The following PABPC4L variants were observed in gnomAD, a reference collection of about 807,000 sequenced individuals.
The protein encoded by PABPC4L is poly(A) binding protein cytoplasmic 4 like, also known as polyadenylate-binding protein 4-like.
For missense variants in PABPC4L, 452 were observed against 451.4 expected (o/e 1.00, Z -0.01); for synonymous variants, 169 against 164.1 (o/e 1.03, Z -0.23).
the PABPC4L span, among the ~76,000 whole-genome samples, chr4:134,187,058 G>T: frequency 2.0e-5 from 3 of 152,112 alleles, no homozygotes; most frequent in Admixed American, 1.3e-4. Flanking sequence ...TGCTGGAGAG[G>T]ATGTGGAGAA....
chr4:134,112,733 A>G, the PABPC4L span, among the ~76,000 whole-genome samples: 1 of 151,942 alleles, frequency 6.6e-6, no homozygotes, highest in Non-Finnish European at 1.5e-5. Flanking sequence ...GTGTGTGTGT[A>G]CATATATTTG....
Position 134,200,406 on chromosome 4 carries a change from C to G in PABPC4L, c.614G>C (p.Arg205Thr), listed in dbSNP as rs1729817122. 1.9e-6 allele frequency: 3 copies of G among 1,558,466 alleles called. No individual in the cohort carries two copies. The highest frequency in any genetic ancestry group is 1.7e-4 in the Middle Eastern group (1 of 5,996). The change falls in exon 2 of 2, where the codon AGA becomes ACA. Residue 205 changes from arginine to threonine, a missense_variant. Transcript: ENST00000421491. ...KNFGGDMDDERLKDVFSKYGK... is the reference protein window; with the variant it reads ...KNFGGDMDDETLKDVFSKYGK... Reference sequence around the variant, plus strand: ...ATATTTGCTGAAAACGTCCTTCAATCTCTCATCATCCATGTCACCTCCAAA... The same window carrying G: ...ATATTTGCTGAAAACGTCCTTCAATGTCTCATCATCCATGTCACCTCCAAA...
At chr4:134,022,566 G>C in the PABPC4L span, among the ~76,000 whole-genome samples, 1 of 151,644 alleles carries the variant, frequency 6.6e-6, no homozygotes, top group Non-Finnish European at 1.5e-5. Context: ...TTAATTATTA[G>C]TTTAGTTTTT....
chr4:134,191,782 T>G (rs995399285), downstream of PABPC4L, among the ~76,000 whole-genome samples: 2 of 151,174 alleles, frequency 1.3e-5, no homozygotes. Context: ...AGAGGAAAAT[T>G]TTCAAATCAA....
At chr4:134,007,485 A>T in the PABPC4L span, among the ~76,000 whole-genome samples, 14 of 151,832 alleles carry the variant, frequency 9.2e-5, no homozygotes, top group African/African-American at 3.4e-4. Flanking sequence ...TGCTTTACAT[A>T]TATTATCTCA....
the PABPC4L span, among the ~76,000 whole-genome samples, chr4:133,961,804 G>C: frequency 6.6e-6 from 1 of 152,164 alleles, no homozygotes; most frequent in Non-Finnish European, 1.5e-5. Flanking sequence ...TTGTGATCCA[G>C]TGAGGCATGT....
chr4:133,975,367 T>C, the PABPC4L span, among the ~76,000 whole-genome samples: 2 of 152,180 alleles, frequency 1.3e-5, no homozygotes, highest in African/African-American at 4.8e-5. Flanking sequence ...CTAATGAGTA[T>C]TGGGTTTCTT....
chr4:134,030,954 T>C, the PABPC4L span, among the ~76,000 whole-genome samples: 1 of 152,098 alleles, frequency 6.6e-6, no homozygotes, highest in Non-Finnish European at 1.5e-5. Context: ...CCATTTATGA[T>C]AATAGCTTTG....
the PABPC4L span, among the ~76,000 whole-genome samples, chr4:134,174,684 C>G: frequency 7.2e-4 from 109 of 152,174 alleles, 2 homozygotes; most frequent in East Asian, 0.012. Flanking sequence ...TTATATGTGT[C>G]TGCGGTTTTT....
the PABPC4L span, among the ~76,000 whole-genome samples, chr4:134,022,150 A>T: frequency 9.2e-5 from 14 of 152,106 alleles, no homozygotes; most frequent in African/African-American, 3.1e-4. Context: ...CGGCTTCCTT[A>T]TCCTGAATTT....
the PABPC4L span, among the ~76,000 whole-genome samples, chr4:134,080,361 T>C: frequency 6.6e-6 from 1 of 152,204 alleles, no homozygotes; most frequent in Non-Finnish European, 1.5e-5. Context: ...TCTCTTTCAA[T>C]GGTAATTTGC....
At chr4:133,960,840 A>G in the PABPC4L span, among the ~76,000 whole-genome samples, 1 of 151,928 alleles carries the variant, frequency 6.6e-6, no homozygotes, top group Non-Finnish European at 1.5e-5. Context: ...GGCAGCCATA[A>G]TGCTCCTAGG....
the PABPC4L span, among the ~76,000 whole-genome samples, chr4:134,035,442 A>AG: frequency 0.52 from 78,193 of 151,666 alleles, 21,527 homozygotes; most frequent in East Asian, 0.93. Flanking sequence ...AGCTAAAATA[A>AG]TCAAGTAATT....
the PABPC4L span, among the ~76,000 whole-genome samples, chr4:133,954,871 C>T: frequency 3.3e-5 from 5 of 151,870 alleles, no homozygotes; most frequent in East Asian, 9.7e-4. Flanking sequence ...TATTGTTCCC[C>T]CACAGGAGAG....
chr4:134,102,640 C>T, the PABPC4L span, among the ~76,000 whole-genome samples: 2 of 151,522 alleles, frequency 1.3e-5, no homozygotes, highest in Non-Finnish European at 3.0e-5. Flanking sequence ...AGTTAAACCA[C>T]AGCCAATCAC....
At chr4:134,171,918 T>G in the PABPC4L span, among the ~76,000 whole-genome samples, 1 of 151,868 alleles carries the variant, frequency 6.6e-6, no homozygotes, top group Non-Finnish European at 1.5e-5. Context: ...ATTCACAATA[T>G]AGCCACAAAA....
chr4:133,962,288 T>G, the PABPC4L span, among the ~76,000 whole-genome samples: 1 of 152,176 alleles, frequency 6.6e-6, no homozygotes, highest in South Asian at 2.1e-4. Flanking sequence ...AAGAAATCCC[T>G]GGTTTACTTG....
At chr4:134,131,714 C>CAAAAA in the PABPC4L span, among the ~76,000 whole-genome samples, 266 of 10,676 alleles carry the variant, frequency 0.025, 90 homozygotes, top group African/African-American at 0.039. Flanking sequence ...CCTGTGAAAC[C>CAAAAA]AAAAAAAAAA....
downstream of PABPC4L, among the ~76,000 whole-genome samples, chr4:134,196,111 T>C (rs1285895073): frequency 6.6e-6 from 1 of 151,480 alleles, no homozygotes; most frequent in African/African-American, 2.4e-5. Context: ...AATAGTTAAT[T>C]ATTCCTCATT....
Sources: allele counts gnomAD v4.1 joint callset (sites outside exome capture counted in the v4.1 genomes callset), GRCh38; gene constraint gnomAD v4.1.1; transcripts MANE v1.5; gene names NCBI Gene and HGNC (gene_info 2026-07-23, HGNC 2026-07-21).